PSMD13: variants seen among roughly 807,000 people sequenced by gnomAD.
PSMD13 encodes the protein proteasome 26S subunit, non-ATPase 13, also known as 26S proteasome non-ATPase regulatory subunit 13.
A neutral mutation model predicts 57.4 loss-of-function variants in PSMD13; 8 were observed. The ratio of observed to expected loss-of-function variants is 0.14; its 90% CI spans 0.08 to 0.25. PSMD13 has a LOEUF of 0.25. Ranked by LOEUF, PSMD13 falls within the 10% of genes least tolerant of loss-of-function variation. PSMD13 has a pLI of 1.00. For missense variants in PSMD13, 400 were observed against 461.5 expected (o/e 0.87, Z 1.22); for synonymous variants, 193 against 168.2 (o/e 1.15, Z -1.14).
chr11:240,364 G>T (rs1364361806), intron 2 of PSMD13, among the ~76,000 whole-genome samples: 1 of 152,106 alleles, frequency 6.6e-6, no homozygotes, highest in Non-Finnish European at 1.5e-5. Context: ...TGCCTGCCTT[G>T]GCCTCCCAGA....
At chr11:239,924 C>T (rs1488131872) in intron 2 of PSMD13, among the ~76,000 whole-genome samples, 1 of 151,966 alleles carries the variant, frequency 6.6e-6, no homozygotes, top group Non-Finnish European at 1.5e-5. Flanking sequence ...TATATGCTCG[C>T]AATAGAGCTT....
In PSMD13 at chr11:252,616, C is replaced by T. The variant is rs12065; in HGVS notation, c.*16C>T. 16,694 of 1,611,520 alleles carry T rather than the reference C, an allele frequency of 0.01. 1,442 individuals are homozygous for T. In the African/African-American group the frequency reaches 0.19, roughly 19 times the overall value. On this transcript the variant is annotated 3_prime_UTR_variant, in exon 13 of 13. Transcript: ENST00000532097. This position sits in a 1 kb window ranked among gnomAD's most constrained non-coding sequence, Gnocchi z 4.1. ...CCTCACCTAGGGCCCCCTGGTTCCCCGTCGTGTCTCCTTTGACTCACCTGA... is the reference window on the plus strand; with the variant it reads ...CCTCACCTAGGGCCCCCTGGTTCCCTGTCGTGTCTCCTTTGACTCACCTGA...
chr11:240,377 G>T (rs541618392), intron 2 of PSMD13, among the ~76,000 whole-genome samples: 13 of 152,248 alleles, frequency 8.5e-5, no homozygotes, highest in Non-Finnish European at 1.9e-4. Flanking sequence ...CTCCCAGAGT[G>T]CTGGGATTAT....
Position 252,574 on chromosome 11 carries a change from C to T in PSMD13, c.1105C>T (p.His369Tyr), listed in dbSNP as rs763577519. Residue 369 changes from histidine (H) to tyrosine (Y), a missense_variant, in exon 13 of 13, where the codon CAC becomes TAC. His to Tyr is a moderately conservative substitution (Grantham distance 83, BLOSUM62 2). Coordinates refer to ENST00000532097, the MANE Select transcript of PSMD13 (RefSeq NM_002817.4). The surrounding 1 kb of genome is among the most constrained non-coding windows in gnomAD (Gnocchi z 4.1). Reference protein sequence around the residue: ...DVKSMEMLVEHQAHDILT With the variant: ...DVKSMEMLVEYQAHDILT ...GAAGAGCATGGAGATGCTGGTGGAG[C>T]ACCAGGCCCATGACATCCTCACCTA... 1.9e-6 allele frequency: 3 copies of T among 1,614,156 alleles called. No homozygotes were observed. In the East Asian group the frequency reaches 6.7e-5, roughly 36 times the overall value.
chr11:240,354 T>C (rs1054722794), intron 2 of PSMD13, among the ~76,000 whole-genome samples: 3 of 152,110 alleles, frequency 2.0e-5, no homozygotes, highest in Non-Finnish European at 4.4e-5. Context: ...TCAGGTGATC[T>C]GCCTGCCTTG....
At chr11:249,602 GAGCGGCGGGTGCGGGGAGA>G in intron 9 of PSMD13, among the ~76,000 whole-genome samples, 1 of 60,828 alleles carries the variant, frequency 1.6e-5, no homozygotes, top group East Asian at 6.0e-4. Context: ...GGGAGGGGGA[GAGCGGCGGGTGCGGGGAGA>G]GGGAGAGGTC....
At chr11:245,641 C>CGT (rs4029226) in intron 6 of PSMD13, among the ~76,000 whole-genome samples, 15,417 of 122,222 alleles carry the variant, frequency 0.13, 1,057 homozygotes, top group African/African-American at 0.22. Context: ...TGAACCAGAA[C>CGT]GTGTGTGTGT....
intron 7 of PSMD13, 188 bp from the exon 8 acceptor site, chr11:248,588 A>AT: frequency 9.9e-6 from 6 of 603,756 alleles, no homozygotes; most frequent in Non-Finnish European, 1.8e-5. Context: ...CAAAAAACCC[A>AT]TGTATATATG....
chr11:243,006 G>A, intron 2 of PSMD13: 1 of 186,272 alleles, frequency 5.4e-6, no homozygotes, highest in African/African-American at 7.1e-5. Flanking sequence ...ATGTTGACCA[G>A]GATGGTTCCA....
chr11:237,325 C>G (rs920552433), intron 1 of PSMD13, among the ~76,000 whole-genome samples, 181 bp downstream of exon 1: 1 of 152,080 alleles, frequency 6.6e-6, no homozygotes, highest in South Asian at 2.1e-4. Context: ...GTGGCAGGGT[C>G]GAGGAATAAG....
intron 6 of PSMD13, among the ~76,000 whole-genome samples, chr11:244,972 G>A (rs1022376054): frequency 3.0e-4 from 39 of 129,492 alleles, no homozygotes; most frequent in African/African-American, 1.0e-3. Context: ...ACGGAGTCTC[G>A]CTCTGTTTCC....
In PSMD13 at chr11:247,285, T is replaced by C. The variant is rs938388304; in HGVS notation, c.405T>C (p.Ile135=). Residue 135 remains isoleucine, a synonymous_variant, in exon 7 of 13, where the codon ATT becomes ATC. Coordinates refer to ENST00000532097, the MANE Select transcript of PSMD13 (RefSeq NM_002817.4). ...IGDLQVTKET[I]EDVEEMLNNL... ...TTCCTTCCTGTGTATAGGAAACAAT[T>C]GAAGATGTTGAAGAAATGCTCAACA... The C allele has an allele frequency of 3.7e-6, 6 of 1,611,308 alleles. No homozygotes were observed. The highest frequency in any genetic ancestry group is 1.7e-5 in the Admixed American group (1 of 59,240).
At chr11:243,953 A>G in intron 2 of PSMD13, 88 bp from the exon 3 acceptor site, 1 of 1,352,850 alleles carries the variant, frequency 7.4e-7, no homozygotes, top group East Asian at 2.3e-5. Context: ...GCATTGATGC[A>G]GCTTCTTTAC....
Position 252,227 on chromosome 11 carries a change from T to G in PSMD13, c.1036-278T>G. On this transcript the variant is annotated intron_variant, in intron 12 of 12. Transcript: ENST00000532097. This position sits in a 1 kb window ranked among gnomAD's most constrained non-coding sequence, Gnocchi z 4.1. ...CAGATACGTTCCTGGTTCTGTGATT[T>G]GAGCTCACGTCGCTCTTACATTTGC... 1 of 519,782 alleles carries G rather than the reference T, an allele frequency of 1.9e-6. No homozygotes were observed. The highest frequency in any genetic ancestry group is 3.5e-6 in the Non-Finnish European group (1 of 288,556). 32.2% of individuals were successfully genotyped at this position (519,782 alleles called of 1,614,324 possible).
chr11:248,574 CTCCCA>C, intron 7 of PSMD13, 197 bp from the exon 8 acceptor site: 3 of 571,420 alleles, frequency 5.3e-6, no homozygotes, highest in African/African-American at 1.9e-5. Context: ...ATGAATGCTC[CTCCCA>C]AAAAACCCAT....
intron 2 of PSMD13, among the ~76,000 whole-genome samples, chr11:240,931 C>T (rs976806494): frequency 2.0e-5 from 3 of 150,376 alleles, no homozygotes; most frequent in African/African-American, 7.4e-5. Flanking sequence ...TCCCGGGTTC[C>T]AGTGATTCTC....
At chr11:249,483 A>G (rs1859726567) in intron 9 of PSMD13, among the ~76,000 whole-genome samples, 1 of 151,440 alleles carries the variant, frequency 6.6e-6, no homozygotes, top group Admixed American at 6.6e-5. Context: ...TGGGTGGGAG[A>G]GAGCATGGGA....
At chr11:248,731 G>C (rs370730631) in intron 7 of PSMD13, 45 bp from the exon 8 acceptor site, 1 of 1,565,380 alleles carries the variant, frequency 6.4e-7, no homozygotes, top group South Asian at 1.1e-5. Flanking sequence ...AAACAGGACT[G>C]ATTATTATGA....
chr11:252,957 C>T lies in PSMD13; in HGVS notation c.*357C>T, dbSNP rs1859800206. ...TTTCCGTTGCGGTTTGAGAATGTTC[C>T]TATAATAAACCCCTCTGCTTTGTTC... On this transcript the variant is annotated 3_prime_UTR_variant, in exon 13 of 13. Coordinates refer to ENST00000532097, the MANE Select transcript of PSMD13 (RefSeq NM_002817.4). The surrounding 1 kb of genome is among the most constrained non-coding windows in gnomAD (Gnocchi z 4.1). 2 of 193,432 alleles carry T rather than the reference C, an allele frequency of 1.0e-5. No individual in the cohort carries two copies. Among genetic ancestry groups the T allele is most frequent in the Admixed American group, 1.1e-4 (2 of 18,722 alleles). The allele number at this position is 193,432 out of a possible 1,614,324, so 12.0% of individuals were successfully genotyped here.
Sources: allele counts gnomAD v4.1 joint callset (sites outside exome capture counted in the v4.1 genomes callset), GRCh38; gene constraint gnomAD v4.1.1; non-coding constraint Gnocchi (gnomAD v3.1); transcripts MANE v1.5; gene names NCBI Gene and HGNC (gene_info 2026-07-23, HGNC 2026-07-21).